USP14: variants seen among roughly 807,000 people sequenced by gnomAD.
The protein encoded by USP14 is ubiquitin specific peptidase 14, also known as ubiquitin carboxyl-terminal hydrolase 14.
A neutral mutation model predicts 76.5 loss-of-function variants in USP14; 38 were observed. The observed-to-expected ratio is 0.50, with a 90% CI of 0.38 to 0.65. USP14 has a LOEUF of 0.65. Among genes scored for constraint, USP14 ranks in the 30% least tolerant of loss-of-function variants. USP14 has a pLI of 0.00. For synonymous variants in USP14, 192 were observed against 191.7 expected, an observed-to-expected ratio of 1.00 and a Z score of -0.01; for missense variants, 467 against 586.5, an observed-to-expected ratio of 0.80 and a Z score of 2.10.
intron 3 of USP14, among the ~76,000 whole-genome samples, chr18:171,199 G>C (rs1308806701): frequency 6.6e-6 from 1 of 151,658 alleles, no homozygotes; most frequent in East Asian, 1.9e-4. Flanking sequence ...TGTTGATGAA[G>C]GTAGCTACAC....
At position 167,807 on chromosome 18, in the gene USP14, G is replaced by C. The variant is rs148494862; in HGVS notation, c.195+988G>C. On this transcript the variant is annotated intron_variant, in intron 3 of 15. Transcript: ENST00000261601. ...CTGGGATTAACAGGTGTGAGTCACT[G>C]TGCCCAGCCCTTGCATGACTTCTCT... Among the ~76,000 whole-genome samples, 574 of 151,962 alleles carry C rather than the reference G, an allele frequency of 3.8e-3. 1 individual carries two copies. The highest frequency in any genetic ancestry group is 0.013 in the African/African-American group (537 of 41,446).
intron 2 of USP14, among the ~76,000 whole-genome samples, chr18:163,916 T>G (rs1271242188): frequency 6.6e-6 from 1 of 152,106 alleles, no homozygotes. Flanking sequence ...GTGTTCTCAT[T>G]ATTTAGCTCC....
At position 204,641 on chromosome 18, in the gene USP14, A is replaced by G; in HGVS notation, c.1113A>G (p.Arg371=). The part of the protein sequence containing the change: ...PELQEKMVSF[R]SKFKDLEDKK... Reference sequence around the variant, plus strand: ...TTCAAGAGAAAATGGTGTCTTTTCGATCCAAATTCAAGGATCTAGAAGATA... The same window carrying G: ...TTCAAGAGAAAATGGTGTCTTTTCGGTCCAAATTCAAGGATCTAGAAGATA... The change falls in exon 13 of 16, where the codon CGA becomes CGG. Residue 371 remains arginine, a synonymous_variant. Transcript: ENST00000261601. The G allele has an allele frequency of 6.2e-7, 1 of 1,613,382 alleles. No individual in the cohort carries two copies. Among genetic ancestry groups the G allele is most frequent in the Non-Finnish European group, 8.5e-7 (1 of 1,179,764 alleles).
chr18:163,168 T>G, intron 1 of USP14, 140 bp from the exon 2 acceptor site: 2 of 681,674 alleles, frequency 2.9e-6, no homozygotes, highest in Non-Finnish European at 4.7e-6. Context: ...ATGCTCCTCT[T>G]GATTAGGTAA....
chr18:214,611 G>GAA lies in USP14; in HGVS notation c.*3336_*3337dup. On this transcript the variant is annotated 3_prime_UTR_variant, in exon 16 of 16. Coordinates refer to ENST00000261601, the MANE Select transcript of USP14 (RefSeq NM_005151.4). ...AAATCTATCACAGTTTTAATAAAAAGAAAAAAAAAAGAAGCTAACTATTTG... is the reference window on the plus strand; with the variant it reads ...AAATCTATCACAGTTTTAATAAAAAGAAAAAAAAAAAAGAAGCTAACTATTTG... 7 of 1,422,078 alleles carry GAA rather than the reference G, an allele frequency of 4.9e-6. No individual in the cohort carries two copies. The highest frequency in any genetic ancestry group is 1.3e-5 in the South Asian group (1 of 75,738). The allele number at this position is 1,422,078 out of a possible 1,614,324, so 88.1% of individuals were successfully genotyped here.
At chr18:167,168 G>A (rs1010667348) in intron 3 of USP14, among the ~76,000 whole-genome samples, 4 of 152,078 alleles carry the variant, frequency 2.6e-5, no homozygotes, top group Non-Finnish European at 5.9e-5. Context: ...AGGCTGAGGC[G>A]GGAGGCAGAG....
At chr18:191,727 T>C (rs1467023522) in intron 5 of USP14, among the ~76,000 whole-genome samples, 2 of 152,240 alleles carry the variant, frequency 1.3e-5, no homozygotes, top group Admixed American at 6.5e-5. Flanking sequence ...TCCATTCATA[T>C]TATTACTGAC....
chr18:212,873 T>G lies in USP14; in HGVS notation c.*1589T>G, dbSNP rs915303580. 1.3e-5 allele frequency: 2 copies of G among 152,222 alleles called. No individual in the cohort carries two copies. Among genetic ancestry groups the G allele is most frequent in the African/African-American group, 4.8e-5 (2 of 41,462 alleles). The allele number at this position is 152,222 out of a possible 1,614,324, so 9.4% of individuals were successfully genotyped here. A position where few individuals can be genotyped will look rare whatever the true frequency, so the allele number is the denominator to read the frequency against. On this transcript the variant is annotated 3_prime_UTR_variant, in exon 16 of 16. Transcript: ENST00000261601. The stretch of plus-strand genomic sequence containing the variant: ...ATCTCATATCTTTGTGTATGTTGTT[T>G]TAATGCTCGGCAGAGCACAACACTG...
chr18:193,401 AG>A (rs1910145345), intron 6 of USP14, among the ~76,000 whole-genome samples: 2 of 152,168 alleles, frequency 1.3e-5, no homozygotes, highest in South Asian at 4.1e-4. Context: ...AGGGTTTTAC[AG>A]CCATGCCTTT....
chr18:173,467 A>G (rs144514979), intron 3 of USP14, among the ~76,000 whole-genome samples: 1 of 149,388 alleles, frequency 6.7e-6, no homozygotes, highest in Non-Finnish European at 1.5e-5. Flanking sequence ...GCTGGAGTGC[A>G]ATGGCGTGAT....
intron 13 of USP14, among the ~76,000 whole-genome samples, chr18:208,386 C>T (rs1353232585): frequency 2.0e-5 from 3 of 151,956 alleles, no homozygotes; most frequent in Non-Finnish European, 4.4e-5. Flanking sequence ...TTGTGTTTGT[C>T]CCCCTTGCTT....
rs35489764 is a variant in USP14, at chr18:197,741, A to ATT, written c.675+55_675+56dup. On this transcript the variant is annotated intron_variant, in intron 8 of 15. Transcript: ENST00000261601. ...GATTATAGACTTTCGTTATACCTTG[A>ATT]TTTTTTTTTTTATTTTTTTTCCCCT... The ATT allele has an allele frequency of 2.6e-4, 334 of 1,298,714 alleles. No homozygotes were observed. In the East Asian group the frequency reaches 4.6e-3, roughly 18 times the overall value. The allele number at this position is 1,298,714 out of a possible 1,614,324, so 80.4% of individuals were successfully genotyped here.
At chr18:207,074 CTTTGCCCATCAG>C (rs1910550934) in intron 13 of USP14, among the ~76,000 whole-genome samples, 1 of 105,974 alleles carries the variant, frequency 9.4e-6, no homozygotes, top group Non-Finnish European at 2.5e-5. Context: ...GAAGACTGTT[CTTTGCCCATCAG>C]ATGGTCTTGG....
At chr18:208,106 A>T (rs1482313596) in intron 13 of USP14, among the ~76,000 whole-genome samples, 1 of 150,944 alleles carries the variant, frequency 6.6e-6, no homozygotes, top group African/African-American at 2.4e-5. Context: ...TTTTATTTTT[A>T]TTTATTTTTT....
At chr18:169,663 C>T (rs1267877366) in intron 3 of USP14, among the ~76,000 whole-genome samples, 2 of 152,092 alleles carry the variant, frequency 1.3e-5, no homozygotes, top group African/African-American at 2.4e-5. Context: ...TATTGTGCTT[C>T]ACAGATAATT....
In USP14 at chr18:200,031, A is replaced by G. The variant is rs369556622; in HGVS notation, c.876+715A>G. ...GACATGGTTGCATATGCTAACAAAT[A>G]TTGGGACATCTCACTTTTTAATCAC... On this transcript the variant is annotated intron_variant, in intron 10 of 15. Transcript: ENST00000261601. 2.0e-4 allele frequency among the ~76,000 whole-genome samples: 30 copies of G among 152,362 alleles called. No individual in the cohort carries two copies. In the East Asian group the frequency reaches 3.1e-3, roughly 16 times the overall value.
rs1046788963 is a variant in USP14 at position 198,048 on chromosome 18, C to T, written c.677C>T (p.Thr226Ile). The change falls in exon 9 of 16, where the codon ACA becomes ATA. Residue 226 changes from threonine (T) to isoleucine (I), a missense_variant and splice_region_variant. By Grantham distance (89) the Thr-to-Ile change is moderately conservative. Coordinates refer to ENST00000261601, the MANE Select transcript of USP14 (RefSeq NM_005151.4). ...EAIEDDSVKE[T>I]DSSSASAATP... ...GAATTTTTATTTTAATTTTTGCAGA[C>T]AGACTCCTCATCTGCATCGGCAGCG... is the stretch of plus-strand genomic sequence containing the variant. 3 of 1,602,766 alleles carry T rather than the reference C, an allele frequency of 1.9e-6. No homozygotes were observed. Among genetic ancestry groups the T allele is most frequent in the African/African-American group, 1.3e-5 (1 of 74,610 alleles).
At chr18:190,003 A>G (rs1262115639) in intron 5 of USP14, among the ~76,000 whole-genome samples, 2 of 152,148 alleles carry the variant, frequency 1.3e-5, no homozygotes, top group Non-Finnish European at 2.9e-5. Context: ...CAATTTTACC[A>G]GTTTTGAACT....
chr18:158,988 T>G (rs1909037779), intron 1 of USP14: 2 of 383,916 alleles, frequency 5.2e-6, no homozygotes, highest in Admixed American at 9.4e-5. Context: ...CAGAATAGTT[T>G]CTGACGCTGC....
Sources: allele counts gnomAD v4.1 joint callset (sites outside exome capture counted in the v4.1 genomes callset), GRCh38; gene constraint gnomAD v4.1.1; transcripts MANE v1.5; gene names NCBI Gene and HGNC (gene_info 2026-07-23, HGNC 2026-07-21).